ADGRA2: variants seen among roughly 807,000 people sequenced by gnomAD.
ADGRA2 encodes G-protein coupled receptor 124.
In ADGRA2, 61 loss-of-function variants were observed where a neutral mutation model predicts 98.7. That is an observed-to-expected ratio of 0.62 (90% CI 0.50 to 0.76). ADGRA2 has a LOEUF of 0.76. ADGRA2 is among the 30% of genes least tolerant of loss of function. ADGRA2 has a pLI of 0.00. For missense variants in ADGRA2, 1,712 were observed against 1,860.0 expected, an observed-to-expected ratio of 0.92 and a Z score of 1.46; for synonymous variants, 858 against 831.5, an observed-to-expected ratio of 1.03 and a Z score of -0.55.
Position 37,841,593 on chromosome 8 carries a change from C to A in ADGRA2, c.3255C>A (p.Pro1085=). 1 of 1,578,888 alleles carries A rather than the reference C, an allele frequency of 6.3e-7. No homozygotes were observed. The highest frequency in any genetic ancestry group is 8.6e-7 in the Non-Finnish European group (1 of 1,163,534). Residue 1085 remains proline (P), a synonymous_variant, in exon 19 of 19, where the codon CCC becomes CCA. Transcript: ENST00000412232. The surrounding 1 kb of genome is among the most constrained non-coding windows in gnomAD (Gnocchi z 5.0). ...DVRASWRACC[P]PASPAAPHAP... ...GAGCCTCGTGGCGCGCCTGCTGCCCCCCTGCCTCTCCCGCGGCCCCCCATG... is the reference window on the plus strand; with the variant it reads ...GAGCCTCGTGGCGCGCCTGCTGCCCACCTGCCTCTCCCGCGGCCCCCCATG...
In ADGRA2 at chr8:37,835,471, A is replaced by G. The variant is rs1805582459; in HGVS notation, c.1833+73A>G. On this transcript the variant is annotated intron_variant, in intron 12 of 18. Transcript: ENST00000412232. ...ATGCAGGTGCCTGGTGGGGGCAGTGAGAGGAGGTGGGAGGAGGGGGCTGCA... is the reference window on the plus strand; with the variant it reads ...ATGCAGGTGCCTGGTGGGGGCAGTGGGAGGAGGTGGGAGGAGGGGGCTGCA... 3 of 1,510,094 alleles carry G rather than the reference A, an allele frequency of 2.0e-6. No homozygotes were observed. In the South Asian group the frequency reaches 3.4e-5, roughly 17 times the overall value. The allele number at this position is 1,510,094 out of a possible 1,614,324, so 93.5% of individuals were successfully genotyped here.
intron 2 of ADGRA2, among the ~76,000 whole-genome samples, chr8:37,823,248 T>C (rs1474787614): frequency 6.7e-6 from 1 of 149,348 alleles, no homozygotes; most frequent in Non-Finnish European, 1.5e-5. Context: ...GCTAGAGTGC[T>C]AGAGTGCAGT....
intron 2 of ADGRA2, among the ~76,000 whole-genome samples, chr8:37,817,345 C>A (rs1805009497): frequency 6.6e-6 from 1 of 152,184 alleles, no homozygotes; most frequent in Non-Finnish European, 1.5e-5. Flanking sequence ...GTCCCTCTAA[C>A]CGTCTGCTCT....
At chr8:37,809,298 T>TAAA (rs374479525) in intron 1 of ADGRA2, among the ~76,000 whole-genome samples, 2 of 138,006 alleles carry the variant, frequency 1.4e-5, no homozygotes, top group Admixed American at 7.3e-5. Context: ...TTGTCTCTCT[T>TAAA]AAAAAAAAAA....
rs1455239338 is a variant in ADGRA2 at position 37,839,609 on chromosome 8, T to C, written c.2498T>C (p.Met833Thr). The C allele has an allele frequency of 6.2e-7, 1 of 1,613,886 alleles. No homozygotes were observed. The highest frequency in any genetic ancestry group is 8.5e-7 in the Non-Finnish European group (1 of 1,179,958). Reference protein sequence around the residue: ...AGGITLTNYQMVCQAVGITLH... With the variant: ...AGGITLTNYQTVCQAVGITLH... ...GGCATCACACTCACCAACTACCAGA[T>C]GGTCTGCCAGGCGGTAAGCAGGAGA... is the stretch of plus-strand genomic sequence containing the variant. The change falls in exon 16 of 19, where the codon ATG becomes ACG. Residue 833 changes from methionine (M) to threonine (T), a missense_variant. Physicochemically the swap from Met to Thr is moderately conservative, Grantham distance 81. Coordinates refer to ENST00000412232, the MANE Select transcript of ADGRA2 (RefSeq NM_032777.10).
At position 37,834,054 on chromosome 8, in the gene ADGRA2, T is replaced by G; in HGVS notation, c.1534T>G (p.Cys512Gly). 1 of 1,612,996 alleles carries G rather than the reference T, an allele frequency of 6.2e-7. No individual in the cohort carries two copies. Among genetic ancestry groups the G allele is most frequent in the Non-Finnish European group, 8.5e-7 (1 of 1,179,982 alleles). ...LWLAQREDKA[C>G]SRIVGALERI... ...GCTGGCCCAGCGCGAGGACAAGGCC[T>G]GCAGCCGCATCGTGGGTGCCCTGGA... is the stretch of plus-strand genomic sequence containing the variant. The change falls in exon 11 of 19, where the codon TGC becomes GGC. Residue 512 changes from cysteine to glycine, a missense_variant. Cys to Gly is a radical substitution (Grantham distance 159). Transcript: ENST00000412232. The surrounding 1 kb of genome is among the most constrained non-coding windows in gnomAD (Gnocchi z 4.2).
At chr8:37,812,625 T>G (rs1224266478) in intron 1 of ADGRA2, among the ~76,000 whole-genome samples, 1 of 151,232 alleles carries the variant, frequency 6.6e-6, no homozygotes, top group East Asian at 1.9e-4. Flanking sequence ...AGACTCCGTC[T>G]CAAAAAAATA....
intron 13 of ADGRA2, 136 bp from the exon 14 acceptor site, chr8:37,837,595 C>A (rs551469059): frequency 4.7e-5 from 35 of 737,430 alleles, no homozygotes; most frequent in Non-Finnish European, 6.9e-5. Context: ...CACCGCATGC[C>A]CCCAGCCCAG....
chr8:37,841,396 G>T lies in ADGRA2; in HGVS notation c.3058G>T (p.Gly1020Trp). ...CCTCTATTCTCCGGGAGTCCAGCTAGGGGCGCTGGTGACCACGCACTTCCT... is the reference window on the plus strand; with the variant it reads ...CCTCTATTCTCCGGGAGTCCAGCTATGGGCGCTGGTGACCACGCACTTCCT... ...DSLYSPGVQL[G>W]ALVTTHFLYL... The change falls in exon 19 of 19, where the codon GGG (glycine) becomes TGG (tryptophan). Residue 1020 changes from glycine to tryptophan, a missense_variant. Physicochemically the swap from Gly to Trp is radical, Grantham distance 184 (BLOSUM62 -2). Coordinates refer to ENST00000412232, the MANE Select transcript of ADGRA2 (RefSeq NM_032777.10). This position sits in a 1 kb window ranked among gnomAD's most constrained non-coding sequence, Gnocchi z 5.0. The T allele has an allele frequency of 6.2e-7, 1 of 1,612,300 alleles. No homozygotes were observed. The highest frequency in any genetic ancestry group is 8.5e-7 in the Non-Finnish European group (1 of 1,179,548).
chr8:37,835,203 C>G lies in ADGRA2; in HGVS notation c.1638C>G (p.Tyr546Ter). Residue 546 changes from tyrosine to a stop codon, truncating the protein, a stop_gained, in exon 12 of 19, where the codon TAC becomes TAG. Transcript: ENST00000412232. LOFTEE classifies it high-confidence loss of function. ...VNARNVALEA[Y>*]LIKPHSYVGL... ...CGAGGAACGTGGCATTGGAGGCCTACCTCATCAAGCCGCACAGCTACGTGG... is the reference window on the plus strand; with the variant it reads ...CGAGGAACGTGGCATTGGAGGCCTAGCTCATCAAGCCGCACAGCTACGTGG... The G allele has an allele frequency of 6.2e-7, 1 of 1,613,914 alleles. No homozygotes were observed. The highest frequency in any genetic ancestry group is 8.5e-7 in the Non-Finnish European group (1 of 1,179,910).
chr8:37,797,632 C>T lies in ADGRA2; in HGVS notation c.266+98C>T. On this transcript the variant is annotated intron_variant, in intron 1 of 18. Transcript: ENST00000412232. This position sits in a 1 kb window ranked among gnomAD's most constrained non-coding sequence, Gnocchi z 5.3. ...GAGCAGGGGGAAGGGGGCTATCCCC[C>T]CACTTCAGAGATTTCTGGACAGGCC... The T allele has an allele frequency of 6.2e-6, 7 of 1,133,950 alleles. No individual in the cohort carries two copies. The highest frequency in any genetic ancestry group is 8.0e-6 in the Non-Finnish European group (7 of 878,664). The allele number at this position is 1,133,950 out of a possible 1,614,324, so 70.2% of individuals were successfully genotyped here. A position where few individuals can be genotyped will look rare whatever the true frequency, so the allele number is the denominator to read the frequency against.
At chr8:37,810,067 T>A (rs1394609587) in intron 1 of ADGRA2, among the ~76,000 whole-genome samples, 1 of 152,190 alleles carries the variant, frequency 6.6e-6, no homozygotes, top group Non-Finnish European at 1.5e-5. Flanking sequence ...TCCAGAGTCC[T>A]AAGACTTTCT....
Position 37,840,845 on chromosome 8 carries a change from C to G in ADGRA2, c.2743C>G (p.Pro915Ala), listed in dbSNP as rs757131775. The G allele has an allele frequency of 6.9e-6, 11 of 1,584,344 alleles. No individual in the cohort carries two copies. Among genetic ancestry groups the G allele is most frequent in the Non-Finnish European group, 9.5e-6 (11 of 1,154,440 alleles). The change falls in exon 18 of 19, where the codon CCC becomes GCC. Residue 915 changes from proline to alanine, a missense_variant. Pro to Ala is a conservative substitution (Grantham distance 27, BLOSUM62 -1). Coordinates refer to ENST00000412232, the MANE Select transcript of ADGRA2 (RefSeq NM_032777.10). ...CATCCACAACTACCGGGACCACAGC[C>G]CCTAGTGAGCACCCCTCCCTCCCGC... is the stretch of plus-strand genomic sequence containing the variant. The part of the protein sequence containing the change: ...VNIHNYRDHS[P>A]YCWLVWRPSL...
intron 17 of ADGRA2, 62 bp downstream of exon 17, chr8:37,840,328 C>T: frequency 2.0e-5 from 31 of 1,564,630 alleles, no homozygotes; most frequent in Non-Finnish European, 2.6e-5. Flanking sequence ...CGTAGGAAAC[C>T]TCCCAAGGTG....
intron 1 of ADGRA2, among the ~76,000 whole-genome samples, chr8:37,803,845 T>G (rs1804575270): frequency 6.6e-6 from 1 of 151,900 alleles, no homozygotes; most frequent in Non-Finnish European, 1.5e-5. Context: ...AGTTCCAGCC[T>G]CAACCAAGGG....
At position 37,842,261 on chromosome 8, in the gene ADGRA2, G is replaced by A. The variant is rs1397691411; in HGVS notation, c.3923G>A (p.Gly1308Glu). The A allele has an allele frequency of 1.3e-6, 2 of 1,566,538 alleles. No individual in the cohort carries two copies. The highest frequency in any genetic ancestry group is 1.2e-5 in the South Asian group (1 of 85,328). The change falls in exon 19 of 19, where the codon GGG (glycine) becomes GAG (glutamate). Residue 1308 changes from glycine to glutamate, a missense_variant. By Grantham distance (98) the Gly-to-Glu change is moderately conservative. Transcript: ENST00000412232. ...NAASLNGAPK[G>E]GKYDDVTLMG... ...GCCAGCCTAAACGGCGCCCCCAAGG[G>A]GGGCAAGTACGACGACGTCACCCTG...
chr8:37,819,244 A>G (rs1805063410), intron 2 of ADGRA2, among the ~76,000 whole-genome samples: 1 of 152,156 alleles, frequency 6.6e-6, no homozygotes, highest in African/African-American at 2.4e-5. Context: ...TTTCCAGAGG[A>G]GGGGCCATCT....
At chr8:37,818,229 C>G (rs1215528672) in intron 2 of ADGRA2, among the ~76,000 whole-genome samples, 1 of 152,186 alleles carries the variant, frequency 6.6e-6, no homozygotes, top group Non-Finnish European at 1.5e-5. Flanking sequence ...CCCTGCCCCT[C>G]TCAGGCTGGC....
At chr8:37,839,416 C>A in intron 15 of ADGRA2, 83 bp from the exon 16 acceptor site, 1 of 1,574,058 alleles carries the variant, frequency 6.4e-7, no homozygotes, top group East Asian at 2.3e-5. Context: ...TGCCTGCCCC[C>A]CGTGGCTCTC....
Sources: gnomAD v4.1 joint callset for allele counts (sites outside exome capture counted in the v4.1 genomes callset) on GRCh38, gnomAD v4.1.1 for gene constraint, Gnocchi (gnomAD v3.1) non-coding constraint, MANE v1.5 for transcripts, NCBI Gene and HGNC (gene_info 2026-07-23, HGNC 2026-07-21) for gene names.